MLIP: variants seen among roughly 807,000 people sequenced by gnomAD.
The protein encoded by MLIP is muscular LMNA-interacting protein.
A neutral mutation model predicts 84.8 loss-of-function variants in MLIP; 79 were observed. That is an observed-to-expected ratio of 0.93 (90% CI 0.78 to 1.12). The LOEUF (loss-of-function observed/expected upper bound fraction) is 1.12, where lower values mean the gene tolerates loss of function less well. MLIP is among the 50% of genes most tolerant of loss of function. The pLI is 0.00. For synonymous variants in MLIP, 504 were observed against 463.0 expected (o/e 1.09, Z -1.14); for missense variants, 1,257 against 1,160.6 (o/e 1.08, Z -1.21).
At chr6:54,213,005 G>C (rs999704911) in intron 11 of MLIP, among the ~76,000 whole-genome samples, 11 of 152,242 alleles carry the variant, frequency 7.2e-5, no homozygotes, top group African/African-American at 2.6e-4. Flanking sequence ...AGGTGAACAT[G>C]TCTTTGCACT....
intron 8 of MLIP, among the ~76,000 whole-genome samples, chr6:54,164,300 A>G (rs979078528): frequency 6.6e-6 from 1 of 151,870 alleles, no homozygotes; most frequent in African/African-American, 2.4e-5. Flanking sequence ...TCTGTATTTC[A>G]TGTCTCTTAC....
At chr6:54,169,308 CAATA>C (rs1775526030) in intron 8 of MLIP, among the ~76,000 whole-genome samples, 1 of 151,394 alleles carries the variant, frequency 6.6e-6, no homozygotes, top group Non-Finnish European at 1.5e-5. Flanking sequence ...TTGACATCAT[CAATA>C]AATAAGGAGA....
intron 1 of MLIP, among the ~76,000 whole-genome samples, chr6:54,088,906 T>A (rs1366971237): frequency 6.6e-6 from 1 of 152,154 alleles, no homozygotes; most frequent in African/African-American, 2.4e-5. Context: ...TATTGATAAG[T>A]CCATACTCCA....
intron 8 of MLIP, among the ~76,000 whole-genome samples, chr6:54,165,255 C>A (rs1775056154): frequency 6.6e-6 from 1 of 151,904 alleles, no homozygotes; most frequent in African/African-American, 2.4e-5. Context: ...CACTTCCTCT[C>A]CACCCTGGTG....
chr6:54,150,068 T>TA (rs1773280463), intron 5 of MLIP, among the ~76,000 whole-genome samples: 1 of 152,202 alleles, frequency 6.6e-6, no homozygotes, highest in South Asian at 2.1e-4. Context: ...GGTGGTATTA[T>TA]GATCACTGGT....
intron 9 of MLIP, among the ~76,000 whole-genome samples, chr6:54,185,166 A>T (rs1283380390): frequency 6.6e-6 from 1 of 152,202 alleles, no homozygotes; most frequent in Non-Finnish European, 1.5e-5. Context: ...AACAGCATTA[A>T]CCTGTATTAG....
In MLIP at chr6:54,041,396, T is replaced by C. The variant is rs181489181; in HGVS notation, c.63+22305T>C. 1.5e-3 allele frequency among the ~76,000 whole-genome samples: 231 copies of C among 152,238 alleles called. 1 individual carries two copies. The highest frequency in any genetic ancestry group is 5.4e-3 in the African/African-American group (226 of 41,566). ...AAGCTGTTATATAGTTTAGTAGGTA[T>C]AGATTTTGTGTGAACATAAGCCTTC... On this transcript the variant is annotated intron_variant, in intron 1 of 12. Transcript: ENST00000274897.
At chr6:54,059,265 G>A (rs913924031) in intron 1 of MLIP, among the ~76,000 whole-genome samples, 1 of 152,128 alleles carries the variant, frequency 6.6e-6, no homozygotes, top group African/African-American at 2.4e-5. Flanking sequence ...GATTAACTCA[G>A]GCTTTTACTC....
intron 8 of MLIP, among the ~76,000 whole-genome samples, chr6:54,162,969 A>T (rs1774806321): frequency 6.6e-6 from 1 of 151,994 alleles, no homozygotes; most frequent in East Asian, 1.9e-4. Context: ...CATGGAAGCT[A>T]TAAGAAGAGA....
At chr6:54,085,405 G>A (rs1767420496) in intron 1 of MLIP, among the ~76,000 whole-genome samples, 1 of 152,198 alleles carries the variant, frequency 6.6e-6, no homozygotes, top group South Asian at 2.1e-4. Context: ...AGGGATTATA[G>A]TCGTACCTAT....
At chr6:54,226,616 A>AT (rs1405364912) in intron 11 of MLIP, among the ~76,000 whole-genome samples, 2 of 151,278 alleles carry the variant, frequency 1.3e-5, no homozygotes, top group Non-Finnish European at 2.9e-5. Flanking sequence ...AAACCAAAAA[A>AT]AAAATGACCA....
chr6:54,256,847 A>C (rs560938558), intron 12 of MLIP, among the ~76,000 whole-genome samples: 2 of 151,934 alleles, frequency 1.3e-5, no homozygotes, highest in Non-Finnish European at 1.5e-5. Flanking sequence ...TTACATTTCC[A>C]GTAAGTACTG....
chr6:54,035,110 G>A (rs1764351724), intron 1 of MLIP, among the ~76,000 whole-genome samples: 1 of 152,114 alleles, frequency 6.6e-6, no homozygotes, highest in Admixed American at 6.6e-5. Flanking sequence ...AGGTGTGGTA[G>A]ATTATACCAT....
At chr6:54,185,492 A>G (rs1352409426) in intron 9 of MLIP, among the ~76,000 whole-genome samples, 1 of 152,176 alleles carries the variant, frequency 6.6e-6, no homozygotes, top group African/African-American at 2.4e-5. Context: ...GATTGGATAA[A>G]AAGATATTTA....
At chr6:54,036,997 T>C (rs1323099366) in intron 1 of MLIP, among the ~76,000 whole-genome samples, 1 of 152,046 alleles carries the variant, frequency 6.6e-6, no homozygotes, top group Non-Finnish European at 1.5e-5. Context: ...CTTAAAAATA[T>C]TCTTGCAGTA....
intron 11 of MLIP, among the ~76,000 whole-genome samples, chr6:54,214,979 T>G (rs977505092): frequency 1.3e-5 from 2 of 152,216 alleles, no homozygotes; most frequent in Non-Finnish European, 2.9e-5. Flanking sequence ...GCCTGGGTGA[T>G]TCCCCAGGAA....
At chr6:54,153,277 A>T (rs1396727485) in intron 5 of MLIP, among the ~76,000 whole-genome samples, 1 of 152,110 alleles carries the variant, frequency 6.6e-6, no homozygotes, top group Non-Finnish European at 1.5e-5. Context: ...AAAAGGCAAA[A>T]TTTTGATATA....
rs1259072169 is a variant in MLIP at position 54,068,819 on chromosome 6, A to G, written c.63+49728A>G. 2.0e-5 allele frequency among the ~76,000 whole-genome samples: 2 copies of G among 100,302 alleles called. 1 individual carries two copies. Among genetic ancestry groups the G allele is most frequent in the African/African-American group, 5.1e-5 (2 of 39,148 alleles). 65.8% of individuals were successfully genotyped at this position (100,302 alleles called of 152,430 possible). A position where few individuals can be genotyped will look rare whatever the true frequency, so the allele number is the denominator to read the frequency against. Reference sequence around the variant, plus strand: ...TGCCCCTTCACCAGCTAGCTAGTCAATTTCAGAGCCAGGATTTTGATCCAG... The same window carrying G: ...TGCCCCTTCACCAGCTAGCTAGTCAGTTTCAGAGCCAGGATTTTGATCCAG... On this transcript the variant is annotated intron_variant, in intron 1 of 12. Coordinates refer to the MLIP transcript ENST00000274897.
chr6:54,049,454 T>C (rs1483486540), intron 1 of MLIP, among the ~76,000 whole-genome samples: 1 of 152,194 alleles, frequency 6.6e-6, no homozygotes, highest in South Asian at 2.1e-4. Flanking sequence ...GCAGAAATAC[T>C]GACACAAATG....
Sources: gnomAD v4.1 joint callset for allele counts (sites outside exome capture counted in the v4.1 genomes callset) on GRCh38, gnomAD v4.1.1 for gene constraint, MANE v1.5 for transcripts, NCBI Gene and HGNC (gene_info 2026-07-23, HGNC 2026-07-21) for gene names.